The following AADAT variants were observed in gnomAD, a reference collection of about 807,000 sequenced individuals.
AADAT encodes aminoadipate aminotransferase.
A neutral mutation model predicts 56.2 loss-of-function variants in AADAT; 25 were observed. The observed-to-expected ratio is 0.44, with a 90% CI of 0.32 to 0.62. AADAT has a LOEUF of 0.62. Ranked by LOEUF, AADAT falls within the 20% of genes least tolerant of loss-of-function variation. AADAT has a pLI of 0.04. For missense variants in AADAT, 387 were observed against 510.5 expected (o/e 0.76, Z 2.33); for synonymous variants, 173 against 164.7 (o/e 1.05, Z -0.39).
At position 170,060,282 on chromosome 4, in the gene AADAT, G is replaced by T. The variant is rs181473131; in HGVS notation, c.*646C>A. ...TCTGTGGCATAACATAAGGTTTATG[G>T]TACTTTTACTAAAAGTCACTTATAA... On this transcript the variant is annotated 3_prime_UTR_variant, in exon 13 of 13. Coordinates refer to ENST00000337664, the MANE Select transcript of AADAT (RefSeq NM_016228.4). 6.6e-6 allele frequency: 1 copy of T among 152,066 alleles called. No individual in the cohort carries two copies. Among genetic ancestry groups the T allele is most frequent in the East Asian group, 1.9e-4 (1 of 5,184 alleles). 9.4% of individuals were successfully genotyped at this position (152,066 alleles called of 1,614,324 possible). A position where few individuals can be genotyped will look rare whatever the true frequency, so the allele number is the denominator to read the frequency against.
chr4:170,082,451 A>G (rs1732364019), intron 3 of AADAT, among the ~76,000 whole-genome samples: 1 of 152,214 alleles, frequency 6.6e-6, no homozygotes, highest in Non-Finnish European at 1.5e-5. Flanking sequence ...AAAGAGCAAC[A>G]AATTATAAAA....
At chr4:170,068,902 C>T (rs2279267) in intron 7 of AADAT, among the ~76,000 whole-genome samples, 37,841 of 152,130 alleles carry the variant, frequency 0.25, 5,407 homozygotes, top group East Asian at 0.66. Flanking sequence ...TGTGCCCTTT[C>T]ATACCTGATA....
At chr4:170,073,112 C>T (rs1263525127) in intron 5 of AADAT, 24 bp downstream of exon 5, 4 of 1,610,360 alleles carry the variant, frequency 2.5e-6, no homozygotes, top group East Asian at 2.2e-5. Flanking sequence ...AACACAACTA[C>T]TTTAACCCAT....
chr4:170,091,297 G>A (rs906835791), upstream of AADAT, among the ~76,000 whole-genome samples: 4 of 152,216 alleles, frequency 2.6e-5, no homozygotes, highest in Non-Finnish European at 5.9e-5. Context: ...CCGGGTGGGC[G>A]TGGGCTTGGC....
Position 170,068,650 on chromosome 4 carries a change from T to C in AADAT, c.841A>G (p.Ile281Val). 1 of 1,607,894 alleles carries C rather than the reference T, an allele frequency of 6.2e-7. No homozygotes were observed. The highest frequency in any genetic ancestry group is 8.5e-7 in the Non-Finnish European group (1 of 1,178,922). The change falls in exon 8 of 13, where the codon ATA becomes GTA. Residue 281 changes from isoleucine to valine, a missense_variant. Coordinates refer to ENST00000337664, the MANE Select transcript of AADAT (RefSeq NM_016228.4). ...TGTATGTGTAAAATAACTCTCTCTA[T>C]TAAGGGTTTTGGACCAGTTAAAAAT... ...IGFLTGPKPL[I>V]ERVILHIQVS...
intron 4 of AADAT, among the ~76,000 whole-genome samples, chr4:170,078,170 T>C (rs1004168700): frequency 6.6e-6 from 1 of 152,170 alleles, no homozygotes; most frequent in Non-Finnish European, 1.5e-5. Flanking sequence ...GGTAATAAGA[T>C]AGTAATAAAA....
intron 5 of AADAT, among the ~76,000 whole-genome samples, chr4:170,072,850 T>A (rs1308013974): frequency 6.6e-6 from 1 of 152,100 alleles, no homozygotes. Flanking sequence ...AAACTTGGGA[T>A]AAAATATTAA....
At chr4:170,061,392 T>C (rs1366986933) in intron 12 of AADAT, among the ~76,000 whole-genome samples, 1 of 152,220 alleles carries the variant, frequency 6.6e-6, no homozygotes, top group African/African-American at 2.4e-5. Context: ...AATGTCCCTT[T>C]CCAAGGATAA....
intron 11 of AADAT, among the ~76,000 whole-genome samples, chr4:170,062,562 G>A (rs1042426660): frequency 3.3e-5 from 5 of 152,152 alleles, no homozygotes; most frequent in Admixed American, 6.5e-5. Context: ...TTAAATAAGC[G>A]TGTCAAGATG....
At chr4:170,070,253 G>A (rs1731694386) in intron 6 of AADAT, among the ~76,000 whole-genome samples, 1 of 151,690 alleles carries the variant, frequency 6.6e-6, no homozygotes, top group Non-Finnish European at 1.5e-5. Flanking sequence ...CCTGGGTGAT[G>A]TTTGAGGAGC....
upstream of AADAT, chr4:170,089,990 C>T: frequency 5.3e-6 from 1 of 188,400 alleles, no homozygotes; most frequent in Non-Finnish European, 1.1e-5. Context: ...TTTTGCCCCG[C>T]CGCGGGCCTC....
At chr4:170,068,513 T>C in intron 8 of AADAT, 78 bp downstream of exon 8, 1 of 1,103,580 alleles carries the variant, frequency 9.1e-7, no homozygotes, top group Non-Finnish European at 1.3e-6. Flanking sequence ...TTGGAGTTCC[T>C]GTGCTCTACC....
intron 9 of AADAT, 33 bp from the exon 10 acceptor site, chr4:170,066,511 C>G (rs1731470273): frequency 6.6e-7 from 1 of 1,524,630 alleles, no homozygotes; most frequent in Non-Finnish European, 9.1e-7. Flanking sequence ...TGGATGTGCT[C>G]AGTACATTGA....
upstream of AADAT, chr4:170,090,520 G>A (rs1218886693): frequency 2.0e-5 from 3 of 152,218 alleles, no homozygotes; most frequent in Admixed American, 6.5e-5. Context: ...ATTTTGGAGT[G>A]ACGATGGAGT....
chr4:170,075,713 T>G (rs1732003508), intron 4 of AADAT, among the ~76,000 whole-genome samples: 2 of 152,190 alleles, frequency 1.3e-5, no homozygotes, highest in Admixed American at 1.3e-4. Context: ...TCACCCCAAA[T>G]AGAGACTCTG....
chr4:170,073,409 T>C, intron 4 of AADAT, 64 bp from the exon 5 acceptor site: 4 of 1,439,976 alleles, frequency 2.8e-6, no homozygotes, highest in Non-Finnish European at 2.8e-6. Flanking sequence ...ATTGGTTTTT[T>C]TTTTTTCTTT....
At position 170,066,461 on chromosome 4, in the gene AADAT, C is replaced by T; in HGVS notation, c.980G>A (p.Ser327Asn). The change falls in exon 10 of 13, where the codon AGT becomes AAT. Residue 327 changes from serine to asparagine, a missense_variant. Coordinates refer to ENST00000337664, the MANE Select transcript of AADAT (RefSeq NM_016228.4). Reference sequence around the variant, plus strand: ...TGCCAGTATTGCATCCTTCTGGTTACTATAGAAATCAATAACCCTAGAAAA... The same window carrying T: ...TGCCAGTATTGCATCCTTCTGGTTATTATAGAAATCAATAACCCTAGAAAA... ...AHVDRVIDFY[S>N]NQKDAILAAA... 2 of 1,613,670 alleles carry T rather than the reference C, an allele frequency of 1.2e-6. No homozygotes were observed. Among genetic ancestry groups the T allele is most frequent in the Non-Finnish European group, 1.7e-6 (2 of 1,179,756 alleles).
In AADAT at chr4:170,088,364, C is replaced by A. The variant is rs879199732; in HGVS notation, c.236+32G>T. 3.9e-6 allele frequency: 6 copies of A among 1,533,530 alleles called. No individual in the cohort carries two copies. The South Asian group carries it at 6.3e-5, about 16-fold the overall frequency. The allele number at this position is 1,533,530 out of a possible 1,614,324, so 95.0% of individuals were successfully genotyped here. On this transcript the variant is annotated intron_variant, in intron 2 of 12. Coordinates refer to ENST00000337664, the MANE Select transcript of AADAT (RefSeq NM_016228.4). ...TTAGAATATTTCTTATGAAAATAAG[C>A]CAATAAAATTATGTTAAGTATTGAT... is the stretch of plus-strand genomic sequence containing the variant.
chr4:170,073,420 C>A, intron 4 of AADAT, 75 bp from the exon 5 acceptor site: 1 of 1,315,340 alleles, frequency 7.6e-7, no homozygotes, highest in Non-Finnish European at 1.0e-6. Context: ...TTTTTTCTTT[C>A]TAACTAAGAA....
Sources: allele counts gnomAD v4.1 joint callset (sites outside exome capture counted in the v4.1 genomes callset), GRCh38; gene constraint gnomAD v4.1.1; transcripts MANE v1.5; gene names NCBI Gene and HGNC (gene_info 2026-07-23, HGNC 2026-07-21).